The following MEF2C variants were observed in gnomAD, a reference collection of about 807,000 sequenced individuals.
MEF2C encodes the protein myocyte enhancer factor 2C.
In MEF2C, 6 loss-of-function variants were observed where a neutral mutation model predicts 50.5. The ratio of observed to expected loss-of-function variants is 0.12; its 90% CI spans 0.07 to 0.23. MEF2C has a LOEUF of 0.23. Among genes scored for constraint, MEF2C ranks in the 10% least tolerant of loss-of-function variants. The pLI, the probability that MEF2C is intolerant of heterozygous loss-of-function variation, is 1.00. For missense variants in MEF2C, 276 were observed against 605.0 expected (o/e 0.46, Z 5.70); for synonymous variants, 183 against 228.0 (o/e 0.80, Z 1.78).
At chr5:88,775,897 G>T in intron 3 of MEF2C, 2 of 756,756 alleles carry the variant, frequency 2.6e-6, no homozygotes, top group South Asian at 6.0e-5. Context: ...CATTGACTAG[G>T]CCCTCAGTAT....
chr5:88,761,386 G>A (rs1777777055), intron 3 of MEF2C, 58 bp from the exon 4 acceptor site: 1 of 1,551,962 alleles, frequency 6.4e-7, no homozygotes, highest in Admixed American at 2.0e-5. Context: ...AGACATTCAG[G>A]GGCATTAAAG....
At chr5:88,741,453 TA>T in intron 6 of MEF2C, 2 of 985,408 alleles carry the variant, frequency 2.0e-6, no homozygotes, top group Non-Finnish European at 2.4e-6. Flanking sequence ...TTGGTTGTTT[TA>T]TTTTTTTGAA....
chr5:88,761,760 G>A (rs755261716), intron 3 of MEF2C: 7 of 166,826 alleles, frequency 4.2e-5, no homozygotes, highest in Non-Finnish European at 6.4e-5. Flanking sequence ...ACAGATCCAA[G>A]TGTGAATTTA....
At position 88,772,698 on chromosome 5, in the gene MEF2C, A is replaced by T. The variant is rs1782923334; in HGVS notation, c.259-11370T>A. ...TTCCCACATAATACGTGACATTCAAATCTTTTTAAAATTGATTTCTCCCTC... is the reference window on the plus strand; with the variant it reads ...TTCCCACATAATACGTGACATTCAATTCTTTTTAAAATTGATTTCTCCCTC... On this transcript the variant is annotated intron_variant, in intron 3 of 10. Transcript: ENST00000504921. The T allele has an allele frequency of 5.1e-6, 5 of 980,128 alleles. No homozygotes were observed. In the Admixed American group the frequency reaches 3.1e-4, roughly 60 times the overall value. 60.7% of individuals were successfully genotyped at this position (980,128 alleles called of 1,614,324 possible).
chr5:88,812,846 AT>A (rs1474930755), intron 2 of MEF2C, among the ~76,000 whole-genome samples: 2 of 152,066 alleles, frequency 1.3e-5, no homozygotes, highest in East Asian at 3.9e-4. Flanking sequence ...CCTCTTTTAG[AT>A]AACTATGGAT....
At chr5:88,895,567 C>T (rs1835034716) in intron 1 of MEF2C, among the ~76,000 whole-genome samples, 1 of 152,100 alleles carries the variant, frequency 6.6e-6, no homozygotes, top group Non-Finnish European at 1.5e-5. Context: ...CCAGTGAACT[C>T]CTCTTAAAAC....
intron 6 of MEF2C, chr5:88,738,349 C>T (rs1561742732): frequency 2.0e-6 from 2 of 985,220 alleles, no homozygotes; most frequent in East Asian, 1.1e-4. Flanking sequence ...ACATTAACTG[C>T]TCAGAAGAGT....
chr5:88,866,033 C>A (rs1049363697), intron 1 of MEF2C, among the ~76,000 whole-genome samples: 1 of 151,994 alleles, frequency 6.6e-6, no homozygotes, highest in Non-Finnish European at 1.5e-5. Context: ...GTAGCTGGGG[C>A]TACAGGCGCC....
chr5:88,869,296 C>CGTATAT (rs1828665479), intron 1 of MEF2C, among the ~76,000 whole-genome samples: 60 of 104,820 alleles, frequency 5.7e-4, no homozygotes, highest in Admixed American at 1.5e-3. Context: ...TATATATATA[C>CGTATAT]ACATATATAT....
intron 1 of MEF2C, among the ~76,000 whole-genome samples, chr5:88,875,538 G>A (rs1367905363): frequency 6.6e-6 from 1 of 151,896 alleles, no homozygotes; most frequent in South Asian, 2.1e-4. Context: ...GTCTGGGTGT[G>A]CTGGAGGTAG....
chr5:88,868,274 T>C (rs1828069486), intron 1 of MEF2C, among the ~76,000 whole-genome samples: 1 of 152,266 alleles, frequency 6.6e-6, no homozygotes, highest in South Asian at 2.1e-4. Flanking sequence ...AAAGCCTACC[T>C]TTTTAGAAGA....
In MEF2C at chr5:88,719,462, T is replaced by C. The variant is rs72771869; in HGVS notation, c.*3142A>G. The stretch of plus-strand genomic sequence containing the variant: ...TCATATTACCAAAAATCTTTTAAAA[T>C]AGGATTAGATATAACAATACTCGCA... On this transcript the variant is annotated 3_prime_UTR_variant, in exon 11 of 11. Coordinates refer to ENST00000504921, the MANE Select transcript of MEF2C (RefSeq NM_002397.5). The C allele has an allele frequency of 1.3e-5, 2 of 152,342 alleles. No individual in the cohort carries two copies. Among genetic ancestry groups the C allele is most frequent in the Non-Finnish European group, 2.9e-5 (2 of 68,018 alleles). The allele number at this position is 152,342 out of a possible 1,614,324, so 9.4% of individuals were successfully genotyped here. A position where few individuals can be genotyped will look rare whatever the true frequency, so the allele number is the denominator to read the frequency against.
At chr5:88,745,320 T>C (rs796403237) in intron 6 of MEF2C, among the ~76,000 whole-genome samples, 13 of 152,344 alleles carry the variant, frequency 8.5e-5, no homozygotes, top group African/African-American at 3.1e-4. Context: ...GGCTACTATG[T>C]AAGCACAGGA....
chr5:88,843,436 A>G (rs926114865), intron 1 of MEF2C: 16 of 985,124 alleles, frequency 1.6e-5, no homozygotes, highest in Non-Finnish European at 1.8e-5. Flanking sequence ...CTATTGAGAC[A>G]TTGCAAAAAT....
At chr5:88,889,388 T>C (rs998991336) in intron 1 of MEF2C, 4 of 144,264 alleles carry the variant, frequency 2.8e-5, no homozygotes, top group South Asian at 2.1e-4. Context: ...TTCCCCCCCC[T>C]TCCCCCCCCC....
At chr5:88,741,113 ACTT>A (rs1766538807) in intron 6 of MEF2C, 1 of 985,260 alleles carries the variant, frequency 1.0e-6, no homozygotes, top group Non-Finnish European at 1.2e-6. Context: ...CATCCGCTTT[ACTT>A]CCACCCTTGA....
At chr5:88,739,093 T>A (rs910575039) in intron 6 of MEF2C, 3 of 985,250 alleles carry the variant, frequency 3.0e-6, no homozygotes, top group Non-Finnish European at 3.6e-6. Context: ...CCAGCTTCTA[T>A]CAGAAACACC....
At chr5:88,736,150 C>G (rs371354845) in intron 6 of MEF2C, 26 of 985,280 alleles carry the variant, frequency 2.6e-5, no homozygotes, top group Non-Finnish European at 3.0e-5. Flanking sequence ...CCTGTCTCTA[C>G]TTCCACTGCC....
At chr5:88,845,468 G>C (rs1360813105) in intron 1 of MEF2C, among the ~76,000 whole-genome samples, 2 of 152,126 alleles carry the variant, frequency 1.3e-5, no homozygotes, top group Admixed American at 1.3e-4. Flanking sequence ...AGTCATTTCA[G>C]TATCGACATA....
Sources: gnomAD v4.1 joint callset for allele counts (sites outside exome capture counted in the v4.1 genomes callset) on GRCh38, gnomAD v4.1.1 for gene constraint, MANE v1.5 for transcripts, NCBI Gene and HGNC (gene_info 2026-07-23, HGNC 2026-07-21) for gene names.